Variants in TBATA observed in about 807,000 individuals in gnomAD.
TBATA encodes thymus, brain and testes associated.
A neutral mutation model predicts 38.7 loss-of-function variants in TBATA; 47 were observed. The ratio of observed to expected loss-of-function variants is 1.21; its 90% CI spans 0.96 to 1.55. The LOEUF (loss-of-function observed/expected upper bound fraction) is 1.55, where lower values mean the gene tolerates loss of function less well. TBATA is among the 40% of genes most tolerant of loss of function. The pLI is 0.00. For missense variants in TBATA, 436 were observed against 435.6 expected (o/e 1.00, Z -0.01); for synonymous variants, 183 against 170.5 (o/e 1.07, Z -0.57).
chr10:70,778,076 T>C (rs964604935), intron 6 of TBATA, among the ~76,000 whole-genome samples: 5 of 152,192 alleles, frequency 3.3e-5, no homozygotes, highest in African/African-American at 1.2e-4. Flanking sequence ...TATCATCAAA[T>C]GGCACCCATG....
At chr10:70,779,463 G>T in intron 5 of TBATA, 130 bp downstream of exon 5, 1 of 1,095,928 alleles carries the variant, frequency 9.1e-7, no homozygotes, top group East Asian at 2.9e-5. Context: ...GAGAAAAAGT[G>T]GGGTTCCCCC....
chr10:70,777,742 A>G (rs1328801818), intron 6 of TBATA: 2 of 419,664 alleles, frequency 4.8e-6, no homozygotes, highest in African/African-American at 2.1e-5. Context: ...AGCATCCTGC[A>G]CCAAGGGCCC....
chr10:70,784,152 T>C (rs531041291), intron 2 of TBATA, among the ~76,000 whole-genome samples: 5 of 152,282 alleles, frequency 3.3e-5, no homozygotes, highest in Admixed American at 6.5e-5. Flanking sequence ...AAAATGATCA[T>C]GAACATGCGA....
chr10:70,774,837 C>T (rs772422333), intron 8 of TBATA, among the ~76,000 whole-genome samples: 4 of 152,142 alleles, frequency 2.6e-5, no homozygotes, highest in Middle Eastern at 3.2e-3. Flanking sequence ...CATCTACTTG[C>T]ACCTGTGTGT....
At chr10:70,782,524 C>A in intron 3 of TBATA, 1 of 1,270,662 alleles carries the variant, frequency 7.9e-7, no homozygotes, top group Non-Finnish European at 1.0e-6. Flanking sequence ...TCAGACTCAG[C>A]GTCCAGAGGC....
chr10:70,777,480 C>T (rs1374779513), intron 6 of TBATA, 142 bp from the exon 7 acceptor site: 1 of 759,932 alleles, frequency 1.3e-6, no homozygotes, highest in African/African-American at 1.8e-5. Flanking sequence ...TTGCCAGGGT[C>T]CCAGGGTATC....
chr10:70,782,822 T>C (rs114689872), intron 3 of TBATA, among the ~76,000 whole-genome samples: 2,557 of 152,294 alleles, frequency 0.017, 60 homozygotes, highest in African/African-American at 0.057. Context: ...CTGATCGCTG[T>C]CTGCATGCCC....
chr10:70,776,372 G>A (rs1843401179), intron 7 of TBATA: 2 of 456,198 alleles, frequency 4.4e-6, no homozygotes, highest in Admixed American at 2.3e-5. Context: ...AATTCCAGGT[G>A]AGGTGAGGCC....
At chr10:70,777,866 C>A (rs543858231) in intron 6 of TBATA, 5 of 440,246 alleles carry the variant, frequency 1.1e-5, no homozygotes, top group Non-Finnish European at 1.8e-5. Context: ...TCCTTCCCCC[C>A]ATTTTAAAGA....
chr10:70,777,368 C>T (rs1318140418), intron 6 of TBATA, 30 bp from the exon 7 acceptor site: 1 of 1,601,854 alleles, frequency 6.2e-7, no homozygotes, highest in Non-Finnish European at 8.5e-7. Context: ...AGACTCCAGG[C>T]AGTCAGCAAG....
At chr10:70,775,125 C>T in intron 8 of TBATA, 64 bp downstream of exon 8, 1 of 1,486,782 alleles carries the variant, frequency 6.7e-7, no homozygotes, top group Non-Finnish European at 9.3e-7. Flanking sequence ...CCTGCAGAAC[C>T]AGAGATCAAG....
intron 6 of TBATA, 143 bp from the exon 7 acceptor site, chr10:70,777,481 C>T (rs1443075530): frequency 2.6e-6 from 2 of 760,940 alleles, no homozygotes; most frequent in Non-Finnish European, 4.2e-6. Context: ...TGCCAGGGTC[C>T]CAGGGTATCA....
intron 2 of TBATA, among the ~76,000 whole-genome samples, chr10:70,784,178 A>C (rs888365442): frequency 6.6e-6 from 1 of 152,218 alleles, no homozygotes; most frequent in Non-Finnish European, 1.5e-5. Context: ...CAGCAACAAC[A>C]GCATCAAACA....
chr10:70,782,057 A>G (rs367586171), intron 3 of TBATA, 21 bp from the exon 4 acceptor site: 90 of 1,612,526 alleles, frequency 5.6e-5, no homozygotes, highest in Non-Finnish European at 7.0e-5. Context: ...GGGTTTCAGG[A>G]GAAGCTAATG....
chr10:70,782,426 G>A, intron 3 of TBATA: 1 of 1,298,016 alleles, frequency 7.7e-7, no homozygotes, highest in Non-Finnish European at 1.0e-6. Context: ...GGTCTCAACA[G>A]GGGCCTCTCC....
At chr10:70,777,659 G>C (rs1344036979) in intron 6 of TBATA, 2 of 405,826 alleles carry the variant, frequency 4.9e-6, no homozygotes, top group Non-Finnish European at 9.3e-6. Flanking sequence ...GATGCCCGCG[G>C]GTGGTTCTCG....
In TBATA at chr10:70,771,380, C is replaced by A; in HGVS notation, c.1055G>T (p.Ser352Ile). 6.2e-7 allele frequency: 1 copy of A among 1,614,224 alleles called. No homozygotes were observed. Among genetic ancestry groups the A allele is most frequent in the Non-Finnish European group, 8.5e-7 (1 of 1,180,030 alleles). The change falls in exon 11 of 11, where the codon AGC (serine) becomes ATC (isoleucine). Residue 352 changes from serine (S) to isoleucine (I), a missense_variant. Transcript: ENST00000456372. ...EKKTSKPRAES is the reference protein window; with the variant it reads ...EKKTSKPRAEI ...AGGTGCAAGTGTTAGGGCCCCTCAG[C>A]TCTCTGCCCTCGGCTTCGATGTCTT... is the stretch of plus-strand genomic sequence containing the variant.
chr10:70,779,017 C>A (rs1240327075), intron 5 of TBATA, among the ~76,000 whole-genome samples: 1 of 152,176 alleles, frequency 6.6e-6, no homozygotes, highest in African/African-American at 2.4e-5. Flanking sequence ...TACAGATGGG[C>A]CTGTTATTAA....
At chr10:70,780,263 C>T (rs971228515) in intron 4 of TBATA, among the ~76,000 whole-genome samples, 13 of 120,000 alleles carry the variant, frequency 1.1e-4, no homozygotes, top group Non-Finnish European at 1.7e-4. Flanking sequence ...TAGTGGGGGC[C>T]GTTTGCACTT....
Sources: allele counts gnomAD v4.1 joint callset (sites outside exome capture counted in the v4.1 genomes callset), GRCh38; gene constraint gnomAD v4.1.1; transcripts MANE v1.5; gene names NCBI Gene and HGNC (gene_info 2026-07-23, HGNC 2026-07-21).